Variants in IQCB1 observed in about 807,000 individuals in gnomAD.
IQCB1 encodes the protein IQ calmodulin-binding motif-containing protein 1.
Under a neutral mutation model 84.4 loss-of-function variants are expected in IQCB1, and 56 were observed. The ratio of observed to expected loss-of-function variants is 0.66; its 90% CI spans 0.54 to 0.83. The LOEUF (loss-of-function observed/expected upper bound fraction) is 0.83, where lower values mean the gene tolerates loss of function less well. Ranked by LOEUF, IQCB1 falls within the 40% of genes least tolerant of loss-of-function variation. The pLI is 0.00. For missense variants in IQCB1, 629 were observed against 682.1 expected (o/e 0.92, Z 0.87); for synonymous variants, 210 against 234.8 (o/e 0.89, Z 0.96).
intron 13 of IQCB1, among the ~76,000 whole-genome samples, chr3:121,774,174 T>C (rs6774164): frequency 0.28 from 41,863 of 151,894 alleles, 6,280 homozygotes; most frequent in Admixed American, 0.44. Context: ...AATAAACACA[T>C]GAAAAGATGC....
At chr3:121,820,996 C>CT (rs1164335369) in intron 5 of IQCB1, among the ~76,000 whole-genome samples, 36 of 145,620 alleles carry the variant, frequency 2.5e-4, no homozygotes, top group Middle Eastern at 7.2e-3. Context: ...TTCTTTTTTT[C>CT]TTTTTTTTTA....
At chr3:121,817,315 C>T (rs183467483) in intron 5 of IQCB1, among the ~76,000 whole-genome samples, 177 of 151,902 alleles carry the variant, frequency 1.2e-3, no homozygotes, top group African/African-American at 4.2e-3. Context: ...GCATGCAGGG[C>T]TTAAAACCTA....
chr3:121,808,341 T>C (rs1487031984), intron 6 of IQCB1, among the ~76,000 whole-genome samples: 1 of 151,968 alleles, frequency 6.6e-6, no homozygotes, highest in Non-Finnish European at 1.5e-5. Context: ...GAGTGTTACA[T>C]CTATATTAGA....
rs148386661 is a variant in IQCB1, at chr3:121,778,316, T to C, written c.1410+3427A>G. Among the ~76,000 whole-genome samples, 25 of 152,266 alleles carry C rather than the reference T, an allele frequency of 1.6e-4. No individual in the cohort carries two copies. The East Asian group carries it at 4.6e-3, about 28-fold the overall frequency. On this transcript the variant is annotated intron_variant, in intron 13 of 14. Transcript: ENST00000310864. ...TATAGCTTGCAACTATTTTTTCCCA[T>C]TCTATAGGCTGTTTACTGTTGACTG...
chr3:121,792,156 T>C (rs1022957623), intron 10 of IQCB1, among the ~76,000 whole-genome samples: 1 of 152,190 alleles, frequency 6.6e-6, no homozygotes, highest in Non-Finnish European at 1.5e-5. Flanking sequence ...TAATGTCTAA[T>C]ACTGCATTAT....
intron 5 of IQCB1, among the ~76,000 whole-genome samples, chr3:121,810,259 A>G (rs1421901108): frequency 6.6e-6 from 1 of 152,194 alleles, no homozygotes. Flanking sequence ...TGTATGTCCC[A>G]CCATATGATC....
intron 13 of IQCB1, 103 bp downstream of exon 13, chr3:121,781,640 C>CAT (rs2108524943): frequency 1.8e-6 from 1 of 570,096 alleles, no homozygotes; most frequent in East Asian, 3.5e-5. Flanking sequence ...TGTACACACA[C>CAT]ACACACACAC....
At chr3:121,786,341 G>T (rs1576552322) in intron 12 of IQCB1, among the ~76,000 whole-genome samples, 1 of 148,120 alleles carries the variant, frequency 6.8e-6, no homozygotes, top group African/African-American at 2.5e-5. Flanking sequence ...TTCTTTGAAA[G>T]TAATTCTTGG....
At chr3:121,797,253 A>C (rs780252496) in intron 8 of IQCB1, 26 bp from the exon 9 acceptor site, 4 of 993,310 alleles carry the variant, frequency 4.0e-6, no homozygotes, top group Non-Finnish European at 6.3e-6. Flanking sequence ...AAAAGGTACA[A>C]CTATTATTAT....
chr3:121,829,107 T>A, intron 2 of IQCB1, 135 bp from the exon 3 acceptor site: 2 of 651,742 alleles, frequency 3.1e-6, no homozygotes, highest in Non-Finnish European at 2.7e-6. Context: ...GAATGTAGAT[T>A]TTTTCATTTC....
At chr3:121,799,088 A>AT (rs1191490157) in intron 8 of IQCB1, 108 bp downstream of exon 8, 10 of 766,706 alleles carry the variant, frequency 1.3e-5, no homozygotes, top group Non-Finnish European at 2.0e-5. Flanking sequence ...TTTTATCTAC[A>AT]TAGGTCAGTT....
In IQCB1 at chr3:121,772,732, A is replaced by G; in HGVS notation, c.1411-19T>C. 6.2e-7 allele frequency: 1 copy of G among 1,613,698 alleles called. No individual in the cohort carries two copies. Among genetic ancestry groups the G allele is most frequent in the Non-Finnish European group, 8.5e-7 (1 of 1,179,792 alleles). On this transcript the variant is annotated intron_variant, in intron 13 of 14. Transcript: ENST00000310864. ...GAGAGCCCTGGAAACACAGGACAGA[A>G]AAACCTGTCACAGAGAGGACATAGG...
intron 10 of IQCB1, among the ~76,000 whole-genome samples, chr3:121,792,381 C>T (rs1359324160): frequency 1.3e-5 from 2 of 151,672 alleles, no homozygotes; most frequent in South Asian, 2.1e-4. Context: ...AGATTTGGGC[C>T]GGGCGCGGTG....
chr3:121,823,858 A>C (rs1280040359), intron 5 of IQCB1, among the ~76,000 whole-genome samples: 1 of 152,218 alleles, frequency 6.6e-6, no homozygotes, highest in Non-Finnish European at 1.5e-5. Context: ...ACACTATTTA[A>C]AGTAAAAATA....
At chr3:121,806,306 A>G (rs1949597737) in intron 7 of IQCB1, among the ~76,000 whole-genome samples, 1 of 152,196 alleles carries the variant, frequency 6.6e-6, no homozygotes, top group South Asian at 2.1e-4. Flanking sequence ...CTACCTTCAC[A>G]TAGTCACCAG....
chr3:121,817,246 T>C (rs1950100047), intron 5 of IQCB1, among the ~76,000 whole-genome samples: 1 of 152,002 alleles, frequency 6.6e-6, no homozygotes, highest in African/African-American at 2.4e-5. Context: ...CATCACACAC[T>C]GTGGCCTGTC....
rs764720012 is a variant in IQCB1 at position 121,772,704 on chromosome 3, T to C, written c.1420A>G (p.Met474Val). The C allele has an allele frequency of 1.5e-5, 24 of 1,613,962 alleles. No individual in the cohort carries two copies. In the Admixed American group the frequency reaches 2.2e-4, roughly 15 times the overall value. Residue 474 changes from methionine to valine, a missense_variant, in exon 14 of 15, where the codon ATG (methionine) becomes GTG (valine). Met to Val is a conservative substitution (Grantham distance 21, BLOSUM62 1). Coordinates refer to ENST00000310864, the MANE Select transcript of IQCB1 (RefSeq NM_001023570.4). Reference sequence around the variant, plus strand: ...AGCTCCCTACTGACCACATCTGACATTGGAGAGCCCTGGAAACACAGGACA... The same window carrying C: ...AGCTCCCTACTGACCACATCTGACACTGGAGAGCCCTGGAAACACAGGACA... ...DYVRRHLGSPMSDVVSRELHA... is the reference protein window; with the variant it reads ...DYVRRHLGSPVSDVVSRELHA...
chr3:121,795,381 A>T (rs910369792), intron 10 of IQCB1, 76 bp downstream of exon 10: 2 of 854,234 alleles, frequency 2.3e-6, no homozygotes, highest in Non-Finnish European at 4.0e-6. Flanking sequence ...AATTAAAAAA[A>T]AATCACCTAA....
At chr3:121,824,353 C>T (rs1950383146) in intron 5 of IQCB1, among the ~76,000 whole-genome samples, 1 of 152,170 alleles carries the variant, frequency 6.6e-6, no homozygotes, top group Non-Finnish European at 1.5e-5. Context: ...TATGAGACTT[C>T]ATCATGCTAT....
Sources: allele counts gnomAD v4.1 joint callset (sites outside exome capture counted in the v4.1 genomes callset), GRCh38; gene constraint gnomAD v4.1.1; transcripts MANE v1.5; gene names NCBI Gene and HGNC (gene_info 2026-07-23, HGNC 2026-07-21).